Variants in C4orf50 observed in about 807,000 individuals in gnomAD.
C4orf50 encodes the protein uncharacterized protein C4orf50.
In C4orf50, 80 loss-of-function variants were observed where a neutral mutation model predicts 77.2. The ratio of observed to expected loss-of-function variants is 1.04; its 90% CI spans 0.87 to 1.25. C4orf50 has a LOEUF of 1.25. Among genes scored for constraint, C4orf50 ranks in the 50% most tolerant of loss-of-function variants. C4orf50 has a pLI of 0.00. For missense variants in C4orf50, 1,257 were observed against 1,152.9 expected, an observed-to-expected ratio of 1.09 and a Z score of -1.31; for synonymous variants, 532 against 465.3, an observed-to-expected ratio of 1.14 and a Z score of -1.84.
At chr4:5,955,234 AC>A (rs1392873458), downstream of C4orf50, among the ~76,000 whole-genome samples, 3 of 152,066 alleles carry the variant, frequency 2.0e-5, no homozygotes, top group Admixed American at 1.3e-4. This position sits in a 1 kb window ranked among gnomAD's most constrained non-coding sequence, Gnocchi z 5.1. Context: ...ACAGATGCTA[AC>A]CCACTCACAC....
chr4:5,924,424 C>G (rs1717419680), intron 7 of C4orf50, among the ~76,000 whole-genome samples: 1 of 152,164 alleles, frequency 6.6e-6, no homozygotes, highest in Non-Finnish European at 1.5e-5. Flanking sequence ...TTAGCGAGAA[C>G]TGGGACAGGC....
In C4orf50 at chr4:5,932,287, C is replaced by T. The variant is rs1438200813; in HGVS notation, c.*2474+24614G>A. Among the ~76,000 whole-genome samples, 3 of 152,178 alleles carry T rather than the reference C, an allele frequency of 2.0e-5. No individual in the cohort carries two copies. The highest frequency in any genetic ancestry group is 6.5e-5 in the Admixed American group (1 of 15,276). On this transcript the variant is annotated intron_variant, in intron 7 of 7. Coordinates refer to the C4orf50 transcript ENST00000324058. This position sits in a 1 kb window ranked among gnomAD's most constrained non-coding sequence, Gnocchi z 4.2. Reference sequence around the variant, plus strand: ...CTTTCCTTGGCCCATTTATGGAGCACGCACATGAGTAGCGAGGCTGGGCTC... The same window carrying T: ...CTTTCCTTGGCCCATTTATGGAGCATGCACATGAGTAGCGAGGCTGGGCTC...
chr4:5,922,308 C>A, intron 7 of C4orf50, among the ~76,000 whole-genome samples: 1 of 152,234 alleles, frequency 6.6e-6, no homozygotes, highest in East Asian at 1.9e-4. Context: ...TTCAAAACAA[C>A]TGCCTGAAAA....
At chr4:5,979,768 T>C (rs1349576081) in intron 29 of C4orf50, among the ~76,000 whole-genome samples, 1 of 152,236 alleles carries the variant, frequency 6.6e-6, no homozygotes, top group Non-Finnish European at 1.5e-5. Context: ...AATTCACTGA[T>C]CTTTTTCAGA....
At chr4:5,978,396 G>A (rs368947390) in intron 29 of C4orf50, among the ~76,000 whole-genome samples, 12 of 152,302 alleles carry the variant, frequency 7.9e-5, no homozygotes, top group African/African-American at 2.9e-4. Flanking sequence ...AGTGAGTTTA[G>A]GAGCAAATTA....
At chr4:6,002,586 C>T (rs973117461) in intron 25 of C4orf50, among the ~76,000 whole-genome samples, 102 of 152,326 alleles carry the variant, frequency 6.7e-4, no homozygotes, top group African/African-American at 2.3e-3. Flanking sequence ...CACTCTGTCC[C>T]TAGGCCTGTG....
chr4:5,981,241 A>T (rs75754432), intron 28 of C4orf50, among the ~76,000 whole-genome samples: 2,784 of 152,208 alleles, frequency 0.018, 51 homozygotes, highest in African/African-American at 0.046. Flanking sequence ...ATTAGTATAT[A>T]CGCAGCCTCC....
intron 33 of C4orf50, among the ~76,000 whole-genome samples, chr4:5,960,524 G>T (rs886363151): frequency 2.1e-5 from 3 of 146,060 alleles, no homozygotes; most frequent in Non-Finnish European, 4.4e-5. Context: ...CTGAAAAAGA[G>T]GCTGGACAGC....
chr4:5,915,645 G>A (rs1372960370), intron 7 of C4orf50, among the ~76,000 whole-genome samples: 1 of 152,238 alleles, frequency 6.6e-6, no homozygotes, highest in Non-Finnish European at 1.5e-5. Context: ...TCTGAAGGAT[G>A]GAAAGCAACT....
At chr4:5,969,782 A>C (rs905599382) in intron 31 of C4orf50, among the ~76,000 whole-genome samples, 4 of 152,136 alleles carry the variant, frequency 2.6e-5, no homozygotes, top group African/African-American at 9.7e-5. Flanking sequence ...AGTTCATGAC[A>C]TGGGTCATTA....
At chr4:5,967,077 T>G (rs549533048) in intron 32 of C4orf50, among the ~76,000 whole-genome samples, 1 of 152,158 alleles carries the variant, frequency 6.6e-6, no homozygotes, top group East Asian at 1.9e-4. Context: ...ATACTGAGGG[T>G]TCCTCCCAGT....
intron 7 of C4orf50, among the ~76,000 whole-genome samples, chr4:5,921,376 G>T (rs1291924760): frequency 2.6e-5 from 4 of 152,206 alleles, no homozygotes; most frequent in Non-Finnish European, 5.9e-5. Context: ...CTGAGGCCCT[G>T]GGACAAATGG....
At chr4:5,990,738 G>A in exon 28 of C4orf50, 1 of 399,138 alleles carries the variant, frequency 2.5e-6, no homozygotes, top group East Asian at 3.6e-5. Flanking sequence ...CCATGCGGAG[G>A]AGTGACTCGT....
rs927348378 is a variant in C4orf50, at chr4:5,919,809, G to A, written c.*2475-21621C>T. On this transcript the variant is annotated intron_variant, in intron 7 of 7. Coordinates refer to the C4orf50 transcript ENST00000324058. The surrounding 1 kb of genome is among the most constrained non-coding windows in gnomAD (Gnocchi z 6.5). ...TCCCACAAAGCCCATGGGAGAAGAC[G>A]CTTCACCAGAATCAACTCTGAAATA... 3.9e-5 allele frequency among the ~76,000 whole-genome samples: 6 copies of A among 152,270 alleles called. No homozygotes were observed. Among genetic ancestry groups the A allele is most frequent in the South Asian group, 2.1e-4 (1 of 4,818 alleles).
At chr4:5,945,015 T>C (rs1185925301) in intron 7 of C4orf50, among the ~76,000 whole-genome samples, 1 of 151,842 alleles carries the variant, frequency 6.6e-6, no homozygotes, top group Non-Finnish European at 1.5e-5. Flanking sequence ...AGTGGCATGG[T>C]TGGAATTCAC....
chr4:5,986,934 T>A (rs1720896552), intron 28 of C4orf50, among the ~76,000 whole-genome samples: 1 of 152,120 alleles, frequency 6.6e-6, no homozygotes, highest in African/African-American at 2.4e-5. Context: ...TTACCTCTAA[T>A]CCTTAGAAAC....
At chr4:5,941,278 A>G (rs1718251059) in intron 7 of C4orf50, among the ~76,000 whole-genome samples, 1 of 152,192 alleles carries the variant, frequency 6.6e-6, no homozygotes, top group Non-Finnish European at 1.5e-5. Flanking sequence ...AAGTACTATC[A>G]TTGTCCCTAT....
At chr4:5,917,406 CTTTTTTT>C (rs34928524) in intron 7 of C4orf50, among the ~76,000 whole-genome samples, 45 of 86,420 alleles carry the variant, frequency 5.2e-4, no homozygotes, top group African/African-American at 6.6e-4. Flanking sequence ...TCCTGTATTT[CTTTTTTT>C]TTTTTTTTTT....
At chr4:5,980,039 T>C in intron 29 of C4orf50, 135 bp downstream of exon 7, 1 of 617,266 alleles carries the variant, frequency 1.6e-6, no homozygotes, top group Non-Finnish European at 2.7e-6. Flanking sequence ...GGTACTGCCT[T>C]ATACTTTAAA....
Sources: gnomAD v4.1 joint callset for allele counts (sites outside exome capture counted in the v4.1 genomes callset) on GRCh38, gnomAD v4.1.1 for gene constraint, Gnocchi (gnomAD v3.1) non-coding constraint, MANE v1.5 for transcripts, NCBI Gene and HGNC (gene_info 2026-07-23, HGNC 2026-07-21) for gene names.